The following COL9A1 variants were observed in gnomAD, a reference collection of about 807,000 sequenced individuals.
The protein encoded by COL9A1 is collagen alpha-1(IX) chain.
In COL9A1, 104 loss-of-function variants were observed where a neutral mutation model predicts 142.6. That is an observed-to-expected ratio of 0.73 (90% CI 0.62 to 0.86). The LOEUF is 0.86. Ranked by LOEUF, COL9A1 falls within the 40% of genes least tolerant of loss-of-function variation. The pLI is 0.00. For missense variants in COL9A1, 1,210 were observed against 1,176.6 expected, an observed-to-expected ratio of 1.03 and a Z score of -0.42; for synonymous variants, 466 against 396.0, an observed-to-expected ratio of 1.18 and a Z score of -2.10.
In COL9A1 at chr6:70,295,281, C is replaced by CTTTTTT. The variant is rs1171549562; in HGVS notation, c.300-724_300-719dup. On this transcript the variant is annotated intron_variant, in intron 4 of 37. Transcript: ENST00000357250. ...CTCTACTGCAACTCTGTTGTTGCTT[C>CTTTTTT]TTTTTTTTTTTTTTTTTTTTTTTTT... Among the ~76,000 whole-genome samples the CTTTTTT allele has an allele frequency of 1.0e-3, 64 of 63,166 alleles. 3 individuals carry two copies. The highest frequency in any genetic ancestry group is 2.2e-3 in the African/African-American group (35 of 15,656). The allele number at this position is 63,166 out of a possible 152,430, so 41.4% of individuals were successfully genotyped here.
At chr6:70,275,557 C>A (rs2127593403) in intron 10 of COL9A1, among the ~76,000 whole-genome samples, 1 of 152,180 alleles carries the variant, frequency 6.6e-6, no homozygotes, top group Admixed American at 6.5e-5. Context: ...ATTTTCCCTA[C>A]TACTACTTAC....
intron 5 of COL9A1, 128 bp from the exon 6 acceptor site, chr6:70,283,948 G>C: frequency 2.7e-6 from 2 of 745,628 alleles, no homozygotes; most frequent in Non-Finnish European, 4.8e-6. Context: ...GAGCACACTG[G>C]ACCAGGACTC....
intron 29 of COL9A1, 45 bp downstream of exon 29, chr6:70,242,617 C>G: frequency 6.6e-7 from 1 of 1,518,258 alleles, no homozygotes; most frequent in Non-Finnish European, 9.2e-7. Flanking sequence ...TTTAAAAATG[C>G]ATTGTGTTTC....
intron 10 of COL9A1, chr6:70,280,448 G>T (rs1773072360): frequency 2.5e-6 from 3 of 1,223,976 alleles, no homozygotes; most frequent in South Asian, 4.6e-5. Context: ...TGGGCTCACA[G>T]CAGGTAAGCC....
At chr6:70,288,792 A>C (rs1773550455) in intron 5 of COL9A1, among the ~76,000 whole-genome samples, 1 of 152,104 alleles carries the variant, frequency 6.6e-6, no homozygotes, top group Non-Finnish European at 1.5e-5. Flanking sequence ...GCCCTCACTC[A>C]AGGCACTCCA....
chr6:70,247,353 A>T (rs1368982483), intron 28 of COL9A1, among the ~76,000 whole-genome samples: 4 of 152,218 alleles, frequency 2.6e-5, no homozygotes, highest in African/African-American at 9.7e-5. Flanking sequence ...CACAAAAAAT[A>T]ACAGATTTAA....
intron 28 of COL9A1, among the ~76,000 whole-genome samples, chr6:70,249,671 G>A (rs1448221070): frequency 1.3e-5 from 2 of 152,136 alleles, no homozygotes; most frequent in Non-Finnish European, 2.9e-5. Flanking sequence ...CAAGAATTTA[G>A]ACTCTTACAG....
At position 70,263,286 on chromosome 6, in the gene COL9A1, A is replaced by G. The variant is rs1245542839; in HGVS notation, c.1353T>C (p.Gly451=). Reference sequence around the variant, plus strand: ...CAACTTCTCCGAGTTCTCCCTGGTCACCTTCTTCACCCTAAAGAAAAAAAA... The same window carrying G: ...CAACTTCTCCGAGTTCTCCCTGGTCGCCTTCTTCACCCTAAAGAAAAAAAA... The part of the protein sequence containing the change: ...PGRQGHKGEE[G]DQGELGEVGA... Residue 451 remains glycine (G), a synonymous_variant, in exon 19 of 38, where the codon GGT becomes GGC. Coordinates refer to ENST00000357250, the MANE Select transcript of COL9A1 (RefSeq NM_001851.6). 6.2e-7 allele frequency: 1 copy of G among 1,609,450 alleles called. No individual in the cohort carries two copies. The highest frequency in any genetic ancestry group is 1.1e-5 in the South Asian group (1 of 89,764).
At position 70,283,808 on chromosome 6, in the gene COL9A1, A is replaced by G; in HGVS notation, c.709T>C (p.Trp237Arg). The G allele has an allele frequency of 6.2e-7, 1 of 1,607,320 alleles. No individual in the cohort carries two copies. The highest frequency in any genetic ancestry group is 1.1e-5 in the South Asian group (1 of 89,340). The stretch of plus-strand genomic sequence containing the variant: ...AGGGGGTCACAATGGATCAGCATCC[A>G]TTGAAGTTCAAACTGGAGAAAGGTA... The part of the protein sequence containing the change: ...PQVSVPFELQ[W>R]MLIHCDPLRP... Residue 237 changes from tryptophan to arginine, a missense_variant, in exon 6 of 38, where the codon TGG becomes CGG. Trp to Arg is a moderately radical substitution (Grantham distance 101). Coordinates refer to ENST00000357250, the MANE Select transcript of COL9A1 (RefSeq NM_001851.6).
At chr6:70,261,900 T>C (rs2127582288) in intron 19 of COL9A1, among the ~76,000 whole-genome samples, 1 of 152,332 alleles carries the variant, frequency 6.6e-6, no homozygotes, top group Non-Finnish European at 1.5e-5. Context: ...AGTTGTGCAT[T>C]ACTTTATATT....
chr6:70,297,482 C>A (rs902619162), intron 4 of COL9A1, among the ~76,000 whole-genome samples: 13 of 151,856 alleles, frequency 8.6e-5, no homozygotes, highest in Non-Finnish European at 7.4e-5. Flanking sequence ...TTGTATATAC[C>A]TAAGACCACT....
intron 6 of COL9A1, among the ~76,000 whole-genome samples, chr6:70,283,481 T>C (rs1773303660): frequency 6.6e-6 from 1 of 152,184 alleles, no homozygotes; most frequent in African/African-American, 2.4e-5. Flanking sequence ...GGAGGGTCCA[T>C]AAGCTACCAA....
chr6:70,300,244 C>CA (rs1774010245), intron 3 of COL9A1, 65 bp downstream of exon 3: 6 of 1,601,818 alleles, frequency 3.7e-6, no homozygotes, highest in Non-Finnish European at 5.1e-6. Flanking sequence ...ACAACTTTCC[C>CA]AAATAAAAAA....
At chr6:70,232,154 C>A (rs527864683) in intron 36 of COL9A1, among the ~76,000 whole-genome samples, 1 of 152,238 alleles carries the variant, frequency 6.6e-6, no homozygotes, top group East Asian at 1.9e-4. Flanking sequence ...ATCCTGTTAA[C>A]AAATTTTATT....
intron 32 of COL9A1, among the ~76,000 whole-genome samples, chr6:70,239,790 T>A (rs1386421420): frequency 6.6e-6 from 1 of 152,160 alleles, no homozygotes; most frequent in African/African-American, 2.4e-5. Flanking sequence ...TAAACTCAGC[T>A]CATGTTGGCA....
chr6:70,283,689 G>A (rs1407114431), intron 6 of COL9A1, 48 bp downstream of exon 6: 3 of 1,394,460 alleles, frequency 2.2e-6, no homozygotes, highest in Admixed American at 1.8e-5. Context: ...GAGGTGGAGA[G>A]GGTTGAGCTG....
chr6:70,287,361 A>G (rs1316676948), intron 5 of COL9A1, among the ~76,000 whole-genome samples: 2 of 151,868 alleles, frequency 1.3e-5, no homozygotes, highest in Non-Finnish European at 2.9e-5. Context: ...TTTTTTTGCA[A>G]AAGATAAGGA....
chr6:70,235,029 C>A, intron 33 of COL9A1, 89 bp from the exon 34 acceptor site: 5 of 1,527,210 alleles, frequency 3.3e-6, no homozygotes, highest in Non-Finnish European at 1.8e-6. Context: ...ATGAAATTTG[C>A]GGTTTCCTGC....
chr6:70,229,420 A>G (rs1348021023), intron 36 of COL9A1, among the ~76,000 whole-genome samples: 1 of 152,198 alleles, frequency 6.6e-6, no homozygotes, highest in East Asian at 1.9e-4. Flanking sequence ...CTTCAGCAGA[A>G]AAACAGCTCA....
Sources: allele counts gnomAD v4.1 joint callset (sites outside exome capture counted in the v4.1 genomes callset), GRCh38; gene constraint gnomAD v4.1.1; transcripts MANE v1.5; gene names NCBI Gene and HGNC (gene_info 2026-07-23, HGNC 2026-07-21).